Variants in ZNF728 observed in about 807,000 individuals in gnomAD.
ZNF728 encodes zinc finger protein 728.
Under a neutral mutation model 12.5 loss-of-function variants are expected in ZNF728, and 12 were observed. The ratio of observed to expected loss-of-function variants is 0.96; its 90% confidence interval spans 0.61 to 1.55. The LOEUF (loss-of-function observed/expected upper bound fraction) is 1.55, where lower values mean the gene tolerates loss of function less well. Ranked by LOEUF, ZNF728 falls within the 40% of genes most tolerant of loss-of-function variation. ZNF728 has a pLI of 0.00. For synonymous variants in ZNF728, 205 were observed against 240.7 expected (o/e 0.85, Z 1.37); for missense variants, 692 against 719.2 (o/e 0.96, Z 0.43).
At chr19:22,987,050 G>T (rs999421534) in intron 3 of ZNF728, among the ~76,000 whole-genome samples, 16 of 152,136 alleles carry the variant, frequency 1.1e-4, no homozygotes, top group African/African-American at 3.1e-4. Context: ...GCACTCTCTT[G>T]TATGCCATGA....
chr19:23,001,404 G>T (rs1044024805), intron 1 of ZNF728, among the ~76,000 whole-genome samples: 2 of 152,180 alleles, frequency 1.3e-5, no homozygotes, highest in Non-Finnish European at 2.9e-5. Flanking sequence ...GAGAAGCTAC[G>T]CTTCATATCT....
chr19:22,998,859 T>A (rs1409027788), intron 1 of ZNF728, among the ~76,000 whole-genome samples: 1 of 152,222 alleles, frequency 6.6e-6, no homozygotes, highest in Admixed American at 6.5e-5. Flanking sequence ...GTACTCTCTT[T>A]ACTTACCTAA....
At chr19:22,987,452 T>C in intron 2 of ZNF728, 49 bp from the exon 3 acceptor site, 1 of 1,527,254 alleles carries the variant, frequency 6.5e-7, no homozygotes, top group Non-Finnish European at 8.8e-7. Context: ...ATTCTCCAAT[T>C]AACAACTTAG....
At chr19:22,987,751 A>T (rs1968933717) in intron 2 of ZNF728, among the ~76,000 whole-genome samples, 1 of 152,288 alleles carries the variant, frequency 6.6e-6, no homozygotes, top group East Asian at 1.9e-4. Context: ...ACATCTTGAA[A>T]TTTTTTTCTC....
chr19:22,975,980 T>C lies in ZNF728; in HGVS notation c.1357A>G (p.Lys453Glu). Reference sequence around the variant, plus strand: ...AAGACTTTGCCACATTCTTCACATTTGTAGTGTTTCTCTCCAGTATGAATT... The same window carrying C: ...AAGACTTTGCCACATTCTTCACATTCGTAGTGTTTCTCTCCAGTATGAATT... ...KVIHTGEKHY[K>E]CEECGKVFSW... The change falls in exon 4 of 4, where the codon AAA becomes GAA. Residue 453 changes from lysine to glutamate, a missense_variant. Transcript: ENST00000594710. 6.2e-7 allele frequency: 1 copy of C among 1,612,992 alleles called. No individual in the cohort carries two copies. The highest frequency in any genetic ancestry group is 2.2e-5 in the East Asian group (1 of 44,814).
At chr19:22,992,715 G>A (rs1195902052) in intron 1 of ZNF728, among the ~76,000 whole-genome samples, 1 of 152,124 alleles carries the variant, frequency 6.6e-6, no homozygotes, top group African/African-American at 2.4e-5. Context: ...CTTGTATAAG[G>A]GGAGAAACAA....
intron 3 of ZNF728, among the ~76,000 whole-genome samples, chr19:22,981,733 T>A (rs1968863071): frequency 6.6e-6 from 1 of 152,148 alleles, no homozygotes. Context: ...CATATGCAAA[T>A]CAATAAACGT....
intron 3 of ZNF728, among the ~76,000 whole-genome samples, chr19:22,979,166 T>C (rs1968836302): frequency 6.6e-6 from 1 of 152,040 alleles, no homozygotes; most frequent in Non-Finnish European, 1.5e-5. Context: ...GAGAAGAACA[T>C]AAATCACCTG....
chr19:22,994,916 G>GA (rs1969032266), intron 1 of ZNF728: 1 of 152,700 alleles, frequency 6.5e-6, no homozygotes, highest in Non-Finnish European at 1.5e-5. Context: ...CTCACAGCTG[G>GA]AAACTCACAT....
chr19:22,992,303 T>A (rs1402011666), intron 1 of ZNF728, among the ~76,000 whole-genome samples: 1 of 152,060 alleles, frequency 6.6e-6, no homozygotes, highest in East Asian at 1.9e-4. Context: ...AGTGCAATGG[T>A]GTGATCTCGG....
intron 1 of ZNF728, among the ~76,000 whole-genome samples, chr19:22,997,699 T>G (rs1748241376): frequency 7.3e-6 from 1 of 136,328 alleles, no homozygotes; most frequent in Non-Finnish European, 1.6e-5. Flanking sequence ...AACTACAAAA[T>G]ATCAAGAAAT....
At position 22,976,894 on chromosome 19, in the gene ZNF728, C is replaced by A; in HGVS notation, c.443G>T (p.Gly148Val). Residue 148 changes from glycine to valine, a missense_variant, in exon 4 of 4, where the codon GGC (glycine) becomes GTC (valine). Coordinates refer to ENST00000594710, the MANE Select transcript of ZNF728 (RefSeq NM_001267716.2). The stretch of plus-strand genomic sequence containing the variant: ...TTTATGAAAGATGTTTGCATATTTG[C>A]CACATTGAAATACTTTGCTTTGTGT... ...TTTQSKVFQCGKYANIFHKCS... is the reference protein window; with the variant it reads ...TTTQSKVFQCVKYANIFHKCS... 3 of 1,613,412 alleles carry A rather than the reference C, an allele frequency of 1.9e-6. No individual in the cohort carries two copies. The highest frequency in any genetic ancestry group is 2.5e-6 in the Non-Finnish European group (3 of 1,179,722).
intron 3 of ZNF728, among the ~76,000 whole-genome samples, chr19:22,977,778 T>C (rs146054633): frequency 1.5e-3 from 234 of 152,136 alleles, no homozygotes; most frequent in African/African-American, 3.8e-3. Flanking sequence ...GCCAAGACCA[T>C]TGTTTTCTGA....
At chr19:22,984,577 T>TACACACACACACACAC (rs57794293) in intron 3 of ZNF728, among the ~76,000 whole-genome samples, 3 of 109,250 alleles carry the variant, frequency 2.7e-5, no homozygotes, top group South Asian at 3.1e-4. Flanking sequence ...AAAAAAAAAA[T>TACACACACACACACAC]ACACACACAC....
At position 22,976,357 on chromosome 19, in the gene ZNF728, A is replaced by C; in HGVS notation, c.980T>G (p.Leu327Arg). The change falls in exon 4 of 4, where the codon CTT (leucine) becomes CGT (arginine). Residue 327 changes from leucine (L) to arginine (R), a missense_variant. This residue lies in a region of ZNF728 where 440 missense variants were observed against 459.6 expected (regional missense o/e 0.96). Transcript: ENST00000594710. ...CGKAFNRSSN[L>R]MEHKRIHTGE... is the part of the protein sequence containing the mutation. Reference sequence around the variant, plus strand: ...AGTATGAATTCTCTTATGTTCCATAAGGTTTGAGGACCGGTTGAAAGCTTT... The same window carrying C: ...AGTATGAATTCTCTTATGTTCCATACGGTTTGAGGACCGGTTGAAAGCTTT... The C allele has an allele frequency of 6.2e-7, 1 of 1,612,778 alleles. No homozygotes were observed. The highest frequency in any genetic ancestry group is 1.3e-5 in the African/African-American group (1 of 74,740).
At chr19:22,998,627 T>C (rs1356908113) in intron 1 of ZNF728, among the ~76,000 whole-genome samples, 1 of 152,136 alleles carries the variant, frequency 6.6e-6, no homozygotes. Context: ...ATAGAGCTAC[T>C]CACAGAACTC....
At chr19:22,993,929 T>C (rs1343147333) in intron 1 of ZNF728, among the ~76,000 whole-genome samples, 1 of 152,152 alleles carries the variant, frequency 6.6e-6, no homozygotes, top group Non-Finnish European at 1.5e-5. Flanking sequence ...AAGACCTAGA[T>C]TTAGAATTTG....
At chr19:22,992,840 T>C (rs1038956856) in intron 1 of ZNF728, among the ~76,000 whole-genome samples, 2 of 152,114 alleles carry the variant, frequency 1.3e-5, no homozygotes, top group African/African-American at 2.4e-5. Flanking sequence ...TCAGAGGTGA[T>C]TGTGAGAGGG....
chr19:22,998,123 T>G (rs910835578), intron 1 of ZNF728, among the ~76,000 whole-genome samples: 1 of 152,136 alleles, frequency 6.6e-6, no homozygotes, highest in African/African-American at 2.4e-5. Context: ...ATATAAATTA[T>G]TCTATCATAA....
Sources: gnomAD v4.1 joint callset for allele counts (sites outside exome capture counted in the v4.1 genomes callset) on GRCh38, gnomAD v4.1.1 for gene constraint, gnomAD v4.1.1 regional missense constraint, MANE v1.5 for transcripts, NCBI Gene and HGNC (gene_info 2026-07-23, HGNC 2026-07-21) for gene names.